The following SIPA1L1 variants were observed in gnomAD, a reference collection of about 807,000 sequenced individuals.
SIPA1L1 encodes signal-induced proliferation-associated 1-like protein 1.
SIPA1L1 carries 26 observed loss-of-function variants against 162.7 expected under a neutral mutation model. The ratio of observed to expected loss-of-function variants is 0.16; its 90% CI spans 0.12 to 0.22. SIPA1L1 has a LOEUF of 0.22. Ranked by LOEUF, SIPA1L1 falls within the 10% of genes least tolerant of loss-of-function variation. SIPA1L1 has a pLI of 1.00. For synonymous variants in SIPA1L1, 829 were observed against 837.4 expected (o/e 0.99, Z 0.17); for missense variants, 1,874 against 2,241.0 (o/e 0.84, Z 3.31).
chr14:71,514,858 A>C (rs1274751367), intron 3 of SIPA1L1, among the ~76,000 whole-genome samples: 1 of 152,244 alleles, frequency 6.6e-6, no homozygotes, highest in Non-Finnish European at 1.5e-5. Flanking sequence ...TGTAAAAGAC[A>C]CTGTGTGCTA....
At chr14:71,616,382 C>T (rs2038836275) in intron 5 of SIPA1L1, among the ~76,000 whole-genome samples, 2 of 152,058 alleles carry the variant, frequency 1.3e-5, no homozygotes, top group Admixed American at 1.3e-4. Flanking sequence ...AATTGGACAG[C>T]TATTTCAAGA....
chr14:71,687,722 G>A (rs1347388965), intron 13 of SIPA1L1, among the ~76,000 whole-genome samples: 1 of 152,174 alleles, frequency 6.6e-6, no homozygotes, highest in African/African-American at 2.4e-5. Flanking sequence ...TTGAGTTCTA[G>A]AGGTAATTTC....
At chr14:71,491,569 C>T (rs954546039) in intron 2 of SIPA1L1, among the ~76,000 whole-genome samples, 2 of 151,836 alleles carry the variant, frequency 1.3e-5, no homozygotes, top group Non-Finnish European at 2.9e-5. Context: ...TAATCTCATT[C>T]TGTCGTCCAG....
chr14:71,356,580 A>AAAAAAAAAAAAAAAAAAAAAAAAAAAC (rs1345552550), intron 2 of SIPA1L1, among the ~76,000 whole-genome samples: 1 of 144,072 alleles, frequency 6.9e-6, no homozygotes, highest in Non-Finnish European at 1.5e-5. Flanking sequence ...AAAAAAAAAA[A>AAAAAAAAAAAAAAAAAAAAAAAAAAAC]AAAAAAAGCA....
intron 17 of SIPA1L1, among the ~76,000 whole-genome samples, chr14:71,714,874 G>C (rs544063582): frequency 6.6e-6 from 1 of 152,214 alleles, no homozygotes; most frequent in Non-Finnish European, 1.5e-5. Context: ...GAGCCACTGA[G>C]CCTGGCCCAC....
intron 13 of SIPA1L1, among the ~76,000 whole-genome samples, chr14:71,691,906 G>A (rs887308894): frequency 2.6e-5 from 4 of 152,038 alleles, no homozygotes; most frequent in South Asian, 2.1e-4. Flanking sequence ...ATGAAACTTC[G>A]CTTTAATGTT....
rs369034769 is a variant in SIPA1L1, at chr14:71,492,647, T to C, written c.-464-20096T>C. Among the ~76,000 whole-genome samples the C allele has an allele frequency of 4.9e-4, 74 of 152,258 alleles. 1 individual carries two copies. The highest frequency in any genetic ancestry group is 1.8e-3 in the African/African-American group (73 of 41,534). On this transcript the variant is annotated intron_variant, in intron 2 of 23. Coordinates refer to ENST00000381232, the MANE Select transcript of SIPA1L1 (RefSeq NM_001386936.1). ...AATATTTGTGAGTGAAAGCCGCTCT[T>C]ATTTTTCAGAGACAGGAGCTCACTC...
intron 2 of SIPA1L1, among the ~76,000 whole-genome samples, chr14:71,471,648 A>T (rs1019678674): frequency 1.4e-4 from 22 of 152,246 alleles, no homozygotes; most frequent in Admixed American, 2.6e-4. Flanking sequence ...ATATGGAGTT[A>T]CAAATGGGAA....
intron 4 of SIPA1L1, among the ~76,000 whole-genome samples, chr14:71,534,470 A>T (rs1003965806): frequency 2.6e-5 from 4 of 152,208 alleles, no homozygotes; most frequent in Non-Finnish European, 5.9e-5. Context: ...GAAAATATCT[A>T]AAGGAGTTTT....
intron 7 of SIPA1L1, among the ~76,000 whole-genome samples, chr14:71,625,297 CTT>C (rs1051588178): frequency 1.3e-5 from 2 of 150,328 alleles, no homozygotes; most frequent in African/African-American, 4.9e-5. Context: ...TCTTTTCTCT[CTT>C]CTCTTTTTTT....
intron 21 of SIPA1L1, among the ~76,000 whole-genome samples, chr14:71,734,151 G>T (rs1223939462): frequency 6.6e-6 from 1 of 152,258 alleles, no homozygotes; most frequent in Non-Finnish European, 1.5e-5. Context: ...GCAAGACATT[G>T]TTGCTAAATG....
At chr14:71,584,008 C>A (rs1397081800) in intron 4 of SIPA1L1, among the ~76,000 whole-genome samples, 1 of 152,170 alleles carries the variant, frequency 6.6e-6, no homozygotes, top group African/African-American at 2.4e-5. Context: ...CTCCAGTGGA[C>A]CCATGCTTCT....
chr14:71,660,294 G>C lies in SIPA1L1; in HGVS notation c.2098-1016G>C, dbSNP rs571138236. On this transcript the variant is annotated intron_variant, in intron 9 of 23. Transcript: ENST00000381232. ...AACGTCTGTTTGTATATCATATTTA[G>C]AAATGAACTCAGAAATAAATTGCTT... is the stretch of plus-strand genomic sequence containing the variant. 2.0e-5 allele frequency among the ~76,000 whole-genome samples: 3 copies of C among 152,096 alleles called. No individual in the cohort carries two copies. In the South Asian group the frequency reaches 6.2e-4, roughly 32 times the overall value.
At position 71,733,652 on chromosome 14, in the gene SIPA1L1, C is replaced by T. The variant is rs1344827024; in HGVS notation, c.4862-14C>T. On this transcript the variant is annotated splice_polypyrimidine_tract_variant and intron_variant, in intron 20 of 23. Transcript: ENST00000381232. ...AGGCACAAGAAGCATCTCATTCCTC[C>T]TCCCTTCCCGCAGGAGAGTTCTCAG... 2 of 1,612,084 alleles carry T rather than the reference C, an allele frequency of 1.2e-6. No individual in the cohort carries two copies. The highest frequency in any genetic ancestry group is 8.5e-7 in the Non-Finnish European group (1 of 1,179,334).
At chr14:71,662,061 C>G (rs1470616721) in intron 10 of SIPA1L1, among the ~76,000 whole-genome samples, 1 of 152,176 alleles carries the variant, frequency 6.6e-6, no homozygotes, top group East Asian at 1.9e-4. Context: ...AGATAGGGAC[C>G]TGTCACGCTA....
Position 71,595,131 on chromosome 14 carries a change from T to G in SIPA1L1, c.1498+5761T>G, listed in dbSNP as rs559221247. ...TTAAAAGGGCGTGGGCTTCAACTGC[T>G]CCTACATGTGTTTTATTTTAAAATC... On this transcript the variant is annotated intron_variant, in intron 5 of 23. Transcript: ENST00000381232. 2.6e-5 allele frequency among the ~76,000 whole-genome samples: 4 copies of G among 152,294 alleles called. No homozygotes were observed. In the South Asian group the frequency reaches 8.3e-4, roughly 32 times the overall value.
At chr14:71,616,868 G>A (rs2038900388) in intron 5 of SIPA1L1, among the ~76,000 whole-genome samples, 1 of 152,130 alleles carries the variant, frequency 6.6e-6, no homozygotes, top group African/African-American at 2.4e-5. Flanking sequence ...AATTTATAGT[G>A]GCCCTATATC....
chr14:71,452,292 TA>T (rs1344372399), intron 2 of SIPA1L1, among the ~76,000 whole-genome samples: 1 of 152,052 alleles, frequency 6.6e-6, no homozygotes, highest in Non-Finnish European at 1.5e-5. Flanking sequence ...AAAAATGAAA[TA>T]ATATAATATG....
chr14:71,328,106 T>A (rs1334133817), intron 2 of SIPA1L1, among the ~76,000 whole-genome samples: 1 of 152,226 alleles, frequency 6.6e-6, no homozygotes. Flanking sequence ...TTTTATTTTT[T>A]AAATTAGGAT....
Sources: gnomAD v4.1 joint callset for allele counts (sites outside exome capture counted in the v4.1 genomes callset) on GRCh38, gnomAD v4.1.1 for gene constraint, MANE v1.5 for transcripts, NCBI Gene and HGNC (gene_info 2026-07-23, HGNC 2026-07-21) for gene names.